Variants in DCUN1D1 observed in about 807,000 individuals in gnomAD.
DCUN1D1 encodes the protein defective in cullin neddylation 1 domain containing 1.
In DCUN1D1, 3 loss-of-function variants were observed where a neutral mutation model predicts 39.0. That is an observed-to-expected ratio of 0.08 (90% confidence interval 0.04 to 0.20). DCUN1D1 has a LOEUF of 0.20. Among genes scored for constraint, DCUN1D1 ranks in the 10% least tolerant of loss-of-function variants. The pLI is 1.00. For synonymous variants in DCUN1D1, 82 were observed against 96.3 expected (o/e 0.85, Z 0.87); for missense variants, 158 against 302.4 (o/e 0.52, Z 3.54).
chr3:182,972,641 T>C (rs995354907), intron 1 of DCUN1D1, among the ~76,000 whole-genome samples: 1 of 152,000 alleles, frequency 6.6e-6, no homozygotes, highest in Non-Finnish European at 1.5e-5. Flanking sequence ...CTTAGGAGAC[T>C]GAGGCAGGAG....
chr3:182,953,443 A>T (rs1170913837), intron 4 of DCUN1D1, among the ~76,000 whole-genome samples: 1 of 152,188 alleles, frequency 6.6e-6, no homozygotes, highest in Non-Finnish European at 1.5e-5. Context: ...AGTTTACAGT[A>T]TGAGTTTTAG....
chr3:182,961,814 T>C (rs1727412843), intron 3 of DCUN1D1, among the ~76,000 whole-genome samples: 1 of 152,212 alleles, frequency 6.6e-6, no homozygotes. Flanking sequence ...CTTCTTGTTA[T>C]ATACACAGTA....
chr3:182,978,364 C>A (rs1728350239), intron 1 of DCUN1D1, among the ~76,000 whole-genome samples: 1 of 151,716 alleles, frequency 6.6e-6, no homozygotes, highest in Non-Finnish European at 1.5e-5. Flanking sequence ...TCGATTAGGG[C>A]CAGTGGTGAG....
At chr3:182,979,992 A>C in intron 1 of DCUN1D1, 1 of 188,010 alleles carries the variant, frequency 5.3e-6, no homozygotes, top group Non-Finnish European at 9.9e-6. Flanking sequence ...CGGAGGAGGG[A>C]GAGGCGCGCC....
chr3:182,966,719 T>G (rs60671056), intron 1 of DCUN1D1, among the ~76,000 whole-genome samples: 2,707 of 152,232 alleles, frequency 0.018, 95 homozygotes, highest in African/African-American at 0.063. Context: ...CCTCCCAAGC[T>G]CCAATACCAT....
upstream of DCUN1D1, chr3:182,980,626 A>C: frequency 9.8e-7 from 1 of 1,023,032 alleles, no homozygotes. Flanking sequence ...CGGCCCGAGG[A>C]GGCAGCCCCG....
intron 2 of DCUN1D1, 112 bp from the exon 3 acceptor site, chr3:182,964,161 G>A (rs180816359): frequency 3.3e-5 from 25 of 762,990 alleles, no homozygotes; most frequent in Admixed American, 1.4e-4. Context: ...ATATATGGAA[G>A]GCATGAAACG....
At chr3:182,976,620 T>C (rs1017327091) in intron 1 of DCUN1D1, among the ~76,000 whole-genome samples, 4 of 152,154 alleles carry the variant, frequency 2.6e-5, no homozygotes, top group African/African-American at 7.2e-5. Context: ...CTTCCATCAA[T>C]GCCCTAGCAC....
rs71185614 is a variant in DCUN1D1 at position 182,946,556 on chromosome 3, C to CAA, written c.700+680_700+681dup. Reference sequence around the variant, plus strand: ...TGGGTGACAGAGCAAGACTCCATCTCAAAAAAAAAAAAAAAAAAAAAAGTC... The same window carrying CAA: ...TGGGTGACAGAGCAAGACTCCATCTCAAAAAAAAAAAAAAAAAAAAAAAAGTC... On this transcript the variant is annotated intron_variant, in intron 6 of 6. Coordinates refer to ENST00000292782, the MANE Select transcript of DCUN1D1 (RefSeq NM_020640.4). 9.2e-3 allele frequency among the ~76,000 whole-genome samples: 558 copies of CAA among 60,564 alleles called. 19 individuals are homozygous for CAA. Among genetic ancestry groups the CAA allele is most frequent in the South Asian group, 0.028 (37 of 1,326 alleles). 39.7% of individuals were successfully genotyped at this position (60,564 alleles called of 152,430 possible). A position where few individuals can be genotyped will look rare whatever the true frequency, so the allele number is the denominator to read the frequency against.
chr3:182,955,009 A>C (rs2108635435), intron 4 of DCUN1D1, among the ~76,000 whole-genome samples: 1 of 151,766 alleles, frequency 6.6e-6, no homozygotes, highest in South Asian at 2.1e-4. Flanking sequence ...TGAAATAGTC[A>C]GAAGTTGGTC....
chr3:182,969,738 C>CA (rs1232951619), intron 1 of DCUN1D1, among the ~76,000 whole-genome samples: 5 of 151,736 alleles, frequency 3.3e-5, no homozygotes, highest in South Asian at 2.1e-4. Context: ...TTAACCCCAG[C>CA]AAAAAAAGCA....
chr3:182,985,762 A>G (rs1211505417), intron 1 of DCUN1D1: 1 of 152,266 alleles, frequency 6.6e-6, no homozygotes, highest in African/African-American at 2.4e-5. Flanking sequence ...ATACAAAAGA[A>G]CCAACAAAAG....
intron 4 of DCUN1D1, among the ~76,000 whole-genome samples, chr3:182,949,587 G>A (rs1287422762): frequency 6.6e-6 from 1 of 151,922 alleles, no homozygotes; most frequent in African/African-American, 2.4e-5. Context: ...ATTCATGGTG[G>A]TGCATGCCTG....
intron 1 of DCUN1D1, among the ~76,000 whole-genome samples, chr3:182,973,006 C>A (rs1299984973): frequency 6.6e-6 from 1 of 151,890 alleles, no homozygotes; most frequent in African/African-American, 2.4e-5. Context: ...CACACCATTG[C>A]GCTCCAATCT....
upstream of DCUN1D1, among the ~76,000 whole-genome samples, chr3:182,983,722 A>C (rs78158634): frequency 6.6e-6 from 1 of 152,046 alleles, no homozygotes; most frequent in Non-Finnish European, 1.5e-5. Flanking sequence ...AAAAAAAAAA[A>C]GAGATTCCCT....
rs1726242910 is a variant in DCUN1D1, at chr3:182,943,531, A to C, written c.*1563T>G. On this transcript the variant is annotated 3_prime_UTR_variant, in exon 7 of 7. Coordinates refer to ENST00000292782, the MANE Select transcript of DCUN1D1 (RefSeq NM_020640.4). ...GTTTTGATATGTCATTGTTTCTTAAAATAATTTCCATATTTGCATAAAATG... is the reference window on the plus strand; with the variant it reads ...GTTTTGATATGTCATTGTTTCTTAACATAATTTCCATATTTGCATAAAATG... 1 of 152,420 alleles carries C rather than the reference A, an allele frequency of 6.6e-6. No homozygotes were observed. The highest frequency in any genetic ancestry group is 1.5e-5 in the Non-Finnish European group (1 of 68,006). 9.4% of individuals were successfully genotyped at this position (152,420 alleles called of 1,614,324 possible).
intron 6 of DCUN1D1, among the ~76,000 whole-genome samples, chr3:182,945,492 ACTGGCAGC>A: frequency 6.6e-6 from 1 of 152,228 alleles, no homozygotes; most frequent in Middle Eastern, 3.4e-3. Flanking sequence ...TTTGGTCAAA[ACTGGCAGC>A]CTGAGGCAGG....
chr3:182,966,114 C>G (rs944741929), intron 1 of DCUN1D1, among the ~76,000 whole-genome samples: 1 of 151,940 alleles, frequency 6.6e-6, no homozygotes, highest in African/African-American at 2.4e-5. Context: ...CAAGCAGACA[C>G]GGGGAAGAAG....
chr3:182,959,501 CAAA>C (rs11373344), intron 4 of DCUN1D1, among the ~76,000 whole-genome samples: 1 of 81,138 alleles, frequency 1.2e-5, no homozygotes, highest in Admixed American at 1.7e-4. Context: ...CTTCAAAAAC[CAAA>C]AAAAAAAAAA....
Sources: gnomAD v4.1 joint callset for allele counts (sites outside exome capture counted in the v4.1 genomes callset) on GRCh38, gnomAD v4.1.1 for gene constraint, MANE v1.5 for transcripts, NCBI Gene and HGNC (gene_info 2026-07-23, HGNC 2026-07-21) for gene names.